Variants in USP48 observed in about 807,000 individuals in gnomAD.
USP48 encodes the protein ubiquitin carboxyl-terminal hydrolase 48.
Under a neutral mutation model 150.7 loss-of-function variants are expected in USP48, and 43 were observed. That is an observed-to-expected ratio of 0.29 (90% confidence interval 0.22 to 0.37). USP48 has a LOEUF of 0.37. Ranked by LOEUF, USP48 falls within the 10% of genes least tolerant of loss-of-function variation. The pLI, the probability that USP48 is intolerant of heterozygous loss-of-function variation, is 1.00. For synonymous variants in USP48, 396 were observed against 425.9 expected, an observed-to-expected ratio of 0.93 and a Z score of 0.86; for missense variants, 813 against 1,249.6, an observed-to-expected ratio of 0.65 and a Z score of 5.27.
intron 21 of USP48, 22 bp downstream of exon 21, chr1:21,703,490 T>C (rs1249809514): frequency 6.3e-7 from 1 of 1,581,662 alleles, no homozygotes; most frequent in Non-Finnish European, 8.7e-7. Context: ...TTACTAGTCA[T>C]TGCCACAAGA....
rs1445145279 is a variant in USP48 at position 21,728,795 on chromosome 1, A to G, written c.1301-76T>C. 14 of 1,530,902 alleles carry G rather than the reference A, an allele frequency of 9.1e-6. No homozygotes were observed. In the South Asian group the frequency reaches 9.6e-5, roughly 11 times the overall value. The allele number at this position is 1,530,902 out of a possible 1,614,324, so 94.8% of individuals were successfully genotyped here. Reference sequence around the variant, plus strand: ...AGTGAACCATGCTAATCTCTAAATCATATCAAATACTGATTAAAACATTGG... The same window carrying G: ...AGTGAACCATGCTAATCTCTAAATCGTATCAAATACTGATTAAAACATTGG... On this transcript the variant is annotated intron_variant, in intron 10 of 26. Transcript: ENST00000308271.
At chr1:21,741,058 A>G (rs2097780351) in intron 8 of USP48, among the ~76,000 whole-genome samples, 1 of 152,264 alleles carries the variant, frequency 6.6e-6, no homozygotes, top group African/African-American at 2.4e-5. Context: ...GAAAGGGAGA[A>G]GAGAAAAAGC....
At position 21,757,696 on chromosome 1, in the gene USP48, G is replaced by A; in HGVS notation, c.222C>T (p.Asn74=). The A allele has an allele frequency of 1.2e-6, 2 of 1,612,940 alleles. No homozygotes were observed. The highest frequency in any genetic ancestry group is 2.2e-5 in the South Asian group (2 of 90,776). Residue 74 remains asparagine (N), a synonymous_variant, in exon 2 of 27, where the codon AAC becomes AAT. Transcript: ENST00000308271. ...TCCTCTCACAGTTGGGATCATCGAT[G>A]TTATGAAAACTATTTTCATCTATTT... is the stretch of plus-strand genomic sequence containing the variant. ...LGEIDENSFH[N]IDDPNCERRK...
rs2097633627 is a variant in USP48, at chr1:21,696,766, A to C, written c.2728-1545T>G. On this transcript the variant is annotated intron_variant, in intron 22 of 26. Coordinates refer to ENST00000308271, the MANE Select transcript of USP48 (RefSeq NM_032236.8). ...ATACATGCGGTACCAGTCAAGAAAA[A>C]AATAGATGAGGACCAAATGTCCTCT... Among the ~76,000 whole-genome samples the C allele has an allele frequency of 2.0e-5, 3 of 152,112 alleles. No individual in the cohort carries two copies. The South Asian group carries it at 6.2e-4, about 32-fold the overall frequency.
intron 6 of USP48, among the ~76,000 whole-genome samples, chr1:21,750,581 A>G (rs1325469895): frequency 2.0e-5 from 3 of 152,108 alleles, no homozygotes; most frequent in African/African-American, 7.2e-5. Context: ...GCATTCAATA[A>G]ATATTCATTG....
intron 1 of USP48, among the ~76,000 whole-genome samples, chr1:21,777,732 G>A (rs2097903269): frequency 6.6e-6 from 1 of 152,024 alleles, no homozygotes; most frequent in South Asian, 2.1e-4. Context: ...AAAAGCTTTT[G>A]TACTGAAAAT....
At chr1:21,739,564 A>G (rs2097776643) in intron 8 of USP48, among the ~76,000 whole-genome samples, 1 of 150,278 alleles carries the variant, frequency 6.7e-6, no homozygotes, top group Admixed American at 6.6e-5. Context: ...ATATTTGCAT[A>G]TATTTATGGG....
intron 1 of USP48, among the ~76,000 whole-genome samples, chr1:21,761,827 G>A (rs944129674): frequency 2.0e-5 from 3 of 152,204 alleles, no homozygotes; most frequent in African/African-American, 7.2e-5. Flanking sequence ...GAACAGTTTT[G>A]TCAGCTTATA....
At chr1:21,747,718 G>A (rs991218339) in intron 7 of USP48, among the ~76,000 whole-genome samples, 3 of 151,892 alleles carry the variant, frequency 2.0e-5, no homozygotes, top group Admixed American at 6.6e-5. Flanking sequence ...GATTACAGGC[G>A]CCTGCCACCA....
At chr1:21,737,283 T>C (rs1213998120) in intron 8 of USP48, among the ~76,000 whole-genome samples, 1 of 152,032 alleles carries the variant, frequency 6.6e-6, no homozygotes, top group Non-Finnish European at 1.5e-5. Flanking sequence ...GTCTACCTCA[T>C]TAAAGCTGGA....
chr1:21,721,351 T>C (rs1352247848), intron 13 of USP48, among the ~76,000 whole-genome samples, 185 bp from the exon 14 acceptor site: 1 of 152,272 alleles, frequency 6.6e-6, no homozygotes, highest in Non-Finnish European at 1.5e-5. Context: ...ACTGCAGGGA[T>C]CTAATATTTT....
chr1:21,691,339 TTAAATACTTTCCA>T, intron 23 of USP48, among the ~76,000 whole-genome samples: 3 of 130,822 alleles, frequency 2.3e-5, no homozygotes, highest in Admixed American at 1.5e-4. Context: ...AAAAAAAAAA[TTAAATACTTTCCA>T]GATGAGTGTG....
At position 21,728,522 on chromosome 1, in the gene USP48, A is replaced by C. The variant is rs777641128; in HGVS notation, c.1450+48T>G. On this transcript the variant is annotated intron_variant, in intron 11 of 26. Transcript: ENST00000308271. ...TCATATACATTTGTGAACATAAAAAAACAAGGCACTTAATGGCAACAGTGC... is the reference window on the plus strand; with the variant it reads ...TCATATACATTTGTGAACATAAAAACACAAGGCACTTAATGGCAACAGTGC... 4.4e-6 allele frequency: 7 copies of C among 1,574,958 alleles called. No individual in the cohort carries two copies. In the Admixed American group the frequency reaches 1.2e-4, roughly 26 times the overall value.
At chr1:21,744,550 C>A (rs933270877) in intron 8 of USP48, among the ~76,000 whole-genome samples, 3 of 151,390 alleles carry the variant, frequency 2.0e-5, no homozygotes, top group Non-Finnish European at 2.9e-5. Flanking sequence ...ACAAGGCGGG[C>A]AGATCACTTG....
chr1:21,724,809 C>T (rs932611196), intron 11 of USP48: 1 of 152,106 alleles, frequency 6.6e-6, no homozygotes, highest in Non-Finnish European at 1.5e-5. Flanking sequence ...AATTAAAAGA[C>T]AAAACCAAAC....
intron 1 of USP48, among the ~76,000 whole-genome samples, chr1:21,759,114 G>A (rs944530539): frequency 1.3e-5 from 2 of 150,480 alleles, no homozygotes; most frequent in Non-Finnish European, 3.0e-5. Context: ...CCCAGGAGGC[G>A]GAGGTTGCAG....
At chr1:21,766,996 G>A (rs952223344) in intron 1 of USP48, among the ~76,000 whole-genome samples, 2 of 152,066 alleles carry the variant, frequency 1.3e-5, no homozygotes, top group Non-Finnish European at 2.9e-5. Flanking sequence ...CCCAGGAGGC[G>A]GAGGTTGCAG....
chr1:21,719,474 G>T (rs2097713810), intron 14 of USP48, among the ~76,000 whole-genome samples: 1 of 152,062 alleles, frequency 6.6e-6, no homozygotes, highest in South Asian at 2.1e-4. Context: ...AATGGGCGAG[G>T]CTCAGTGGCT....
intron 14 of USP48, among the ~76,000 whole-genome samples, chr1:21,716,986 C>CCA (rs1258329341): frequency 6.6e-6 from 1 of 151,924 alleles, no homozygotes; most frequent in African/African-American, 2.4e-5. Flanking sequence ...CCAGATGGCG[C>CCA]CACTGCACGA....
Sources: gnomAD v4.1 joint callset for allele counts (sites outside exome capture counted in the v4.1 genomes callset) on GRCh38, gnomAD v4.1.1 for gene constraint, MANE v1.5 for transcripts, NCBI Gene and HGNC (gene_info 2026-07-23, HGNC 2026-07-21) for gene names.